Variants in MS4A10 observed in about 807,000 individuals in gnomAD.
MS4A10 encodes membrane spanning 4-domains A10.
MS4A10 carries 27 observed loss-of-function variants against 27.7 expected under a neutral mutation model. The ratio of observed to expected loss-of-function variants is 0.98; its 90% CI spans 0.72 to 1.35. The LOEUF is 1.35. Among genes scored for constraint, MS4A10 ranks in the 40% most tolerant of loss-of-function variants. MS4A10 has a pLI of 0.00. For synonymous variants in MS4A10, 139 were observed against 131.2 expected, an observed-to-expected ratio of 1.06 and a Z score of -0.41; for missense variants, 338 against 324.7, an observed-to-expected ratio of 1.04 and a Z score of -0.32.
intron 4 of MS4A10, among the ~76,000 whole-genome samples, chr11:60,793,503 G>A (rs1854465306): frequency 6.6e-6 from 1 of 152,224 alleles, no homozygotes; most frequent in Admixed American, 6.5e-5. Flanking sequence ...TGGCAGGTGG[G>A]CGGAGAAAAT....
intron 5 of MS4A10, 80 bp downstream of exon 5, chr11:60,794,183 C>A (rs955780878): frequency 6.4e-7 from 1 of 1,556,974 alleles, no homozygotes; most frequent in Non-Finnish European, 8.8e-7. Context: ...GTTTCCAGCT[C>A]ACAGAAAGCC....
chr11:60,800,847 G>T lies in MS4A10; in HGVS notation c.*938G>T, dbSNP rs1341077343. 7.0e-6 allele frequency: 1 copy of T among 142,022 alleles called. No homozygotes were observed. Among genetic ancestry groups the T allele is most frequent in the Non-Finnish European group, 1.5e-5 (1 of 66,290 alleles). The allele number at this position is 142,022 out of a possible 1,614,324, so 8.8% of individuals were successfully genotyped here. On this transcript the variant is annotated 3_prime_UTR_variant, in exon 8 of 8. Coordinates refer to ENST00000308287, the MANE Select transcript of MS4A10 (RefSeq NM_206893.4). ...CTCACTCTGTCACCCAGGCTGGAGTGCTGTGGTGCAATCTCGGCTCACTGC... is the reference window on the plus strand; with the variant it reads ...CTCACTCTGTCACCCAGGCTGGAGTTCTGTGGTGCAATCTCGGCTCACTGC...
Position 60,790,408 on chromosome 11 carries a change from G to T in MS4A10, c.73G>T (p.Val25Phe). The change falls in exon 2 of 8, where the codon GTC becomes TTC. Residue 25 changes from valine to phenylalanine, a missense_variant. Physicochemically the swap from Val to Phe is conservative, Grantham distance 50. Transcript: ENST00000308287. ...CCCATCATGGCAAGTCCTCAGCCCAGTCCAGCCCTGGCAGACAAGTGCACC... is the reference window on the plus strand; with the variant it reads ...CCCATCATGGCAAGTCCTCAGCCCATTCCAGCCCTGGCAGACAAGTGCACC... ...GLPSWQVLSP[V>F]QPWQTSAPQN... 6.2e-7 allele frequency: 1 copy of T among 1,614,190 alleles called. No homozygotes were observed. The highest frequency in any genetic ancestry group is 8.5e-7 in the Non-Finnish European group (1 of 1,180,040).
intron 4 of MS4A10, 97 bp from the exon 5 acceptor site, chr11:60,793,875 T>C: frequency 1.4e-6 from 2 of 1,397,370 alleles, no homozygotes; most frequent in Admixed American, 3.7e-5. Flanking sequence ...GAGTCTCTCC[T>C]GAGGCTACAG....
At chr11:60,789,300 A>C (rs1490270917) in intron 1 of MS4A10, among the ~76,000 whole-genome samples, 1 of 152,138 alleles carries the variant, frequency 6.6e-6, no homozygotes, top group African/African-American at 2.4e-5. Flanking sequence ...CTCTGACCTC[A>C]ATCCCTGCAA....
At chr11:60,790,105 C>T (rs1854403286) in intron 1 of MS4A10, among the ~76,000 whole-genome samples, 1 of 152,144 alleles carries the variant, frequency 6.6e-6, no homozygotes. Context: ...CTTTGCAACC[C>T]CAGAAAGGCT....
At chr11:60,795,516 C>A (rs866256072) in intron 5 of MS4A10, 39 bp from the exon 6 acceptor site, 7 of 1,389,088 alleles carry the variant, frequency 5.0e-6, no homozygotes, top group Middle Eastern at 4.2e-4. Context: ...AGACACCCAG[C>A]GAGGCCTCAC....
intron 6 of MS4A10, among the ~76,000 whole-genome samples, chr11:60,796,201 G>GATGGATGT (rs1854529538): frequency 6.6e-6 from 1 of 152,014 alleles, no homozygotes. Flanking sequence ...TCCATTGATG[G>GATGGATGT]ATGGATGGAT....
At chr11:60,795,477 C>A in intron 5 of MS4A10, 78 bp from the exon 6 acceptor site, 1 of 916,334 alleles carries the variant, frequency 1.1e-6, no homozygotes, top group Non-Finnish European at 1.5e-6. Context: ...GCAAGGACCC[C>A]TGCCTGGCTA....
At position 60,794,698 on chromosome 11, in the gene MS4A10, G is replaced by A. The variant is rs142739044; in HGVS notation, c.492+595G>A. Among the ~76,000 whole-genome samples, 535 of 152,074 alleles carry A rather than the reference G, an allele frequency of 3.5e-3. 5 individuals carry two copies. Among genetic ancestry groups the A allele is most frequent in the African/African-American group, 0.012 (517 of 41,494 alleles). ...TTTTTTTTGGAAGGGGCGGGGGAAC[G>A]GAGTCTCACTCTTGTCACCCAGGCT... On this transcript the variant is annotated intron_variant, in intron 5 of 7. Transcript: ENST00000308287.
intron 5 of MS4A10, among the ~76,000 whole-genome samples, chr11:60,794,537 C>T (rs766424488): frequency 2.6e-5 from 4 of 152,200 alleles, no homozygotes; most frequent in Non-Finnish European, 5.9e-5. Context: ...GGAGTGAACA[C>T]GGAGGTCCAG....
In MS4A10 at chr11:60,799,924, A is replaced by G; in HGVS notation, c.*15A>G. On this transcript the variant is annotated 3_prime_UTR_variant, in exon 8 of 8. Coordinates refer to ENST00000308287, the MANE Select transcript of MS4A10 (RefSeq NM_206893.4). The stretch of plus-strand genomic sequence containing the variant: ...CTGCAAACTGAAGAGCCACTGCCTG[A>G]CAATGCCCAAACTTGGTTGGAGCAT... 2.5e-6 allele frequency: 4 copies of G among 1,614,182 alleles called. No individual in the cohort carries two copies. The highest frequency in any genetic ancestry group is 3.4e-6 in the Non-Finnish European group (4 of 1,180,018).
chr11:60,795,652 G>A lies in MS4A10; in HGVS notation c.590G>A (p.Cys197Tyr). Residue 197 changes from cysteine to tyrosine, a missense_variant, in exon 6 of 8, where the codon TGC becomes TAC. Coordinates refer to ENST00000308287, the MANE Select transcript of MS4A10 (RefSeq NM_206893.4). Reference sequence around the variant, plus strand: ...GCTGTCACAGCCTGGAGAGGGGACTGCCCATCTGCAAAGGTAAGACAAGGG... The same window carrying A: ...GCTGTCACAGCCTGGAGAGGGGACTACCCATCTGCAAAGGTAAGACAAGGG... Reference protein sequence around the residue: ...PTAVTAWRGDCPSAKNDDACL... With the variant: ...PTAVTAWRGDYPSAKNDDACL... 6.3e-7 allele frequency: 1 copy of A among 1,580,574 alleles called. No homozygotes were observed. Among genetic ancestry groups the A allele is most frequent in the Non-Finnish European group, 8.6e-7 (1 of 1,163,600 alleles).
At chr11:60,788,557 A>G (rs1184676218) in intron 1 of MS4A10, among the ~76,000 whole-genome samples, 4 of 152,228 alleles carry the variant, frequency 2.6e-5, no homozygotes, top group Admixed American at 2.6e-4. Context: ...TAGTCCAGCT[A>G]GCTGTGTCAG....
intron 1 of MS4A10, among the ~76,000 whole-genome samples, chr11:60,787,214 G>C (rs1854354984): frequency 6.6e-6 from 1 of 152,152 alleles, no homozygotes; most frequent in Admixed American, 6.5e-5. Flanking sequence ...TGGCTGAGGG[G>C]GCTGGGGTTG....
Position 60,800,150 on chromosome 11 carries a change from T to C in MS4A10, c.*241T>C. 1 of 551,108 alleles carries C rather than the reference T, an allele frequency of 1.8e-6. No individual in the cohort carries two copies. The highest frequency in any genetic ancestry group is 3.2e-5 in the Admixed American group (1 of 30,832). The allele number at this position is 551,108 out of a possible 1,614,324, so 34.1% of individuals were successfully genotyped here. On this transcript the variant is annotated 3_prime_UTR_variant, in exon 8 of 8. Coordinates refer to ENST00000308287, the MANE Select transcript of MS4A10 (RefSeq NM_206893.4). ...TGTTTTGTTTTGTTTCGCTTTGTTT[T>C]GTTTTCTTTTGTTTTGTTGAGATGG...
chr11:60,793,704 G>C (rs1009062620), intron 4 of MS4A10, among the ~76,000 whole-genome samples: 6 of 152,220 alleles, frequency 3.9e-5, no homozygotes, highest in African/African-American at 1.2e-4. Flanking sequence ...AAAGCTCTTG[G>C]ATCTGAAGGC....
In MS4A10 at chr11:60,792,340, A is replaced by T; in HGVS notation, c.360+19A>T. On this transcript the variant is annotated intron_variant, in intron 4 of 7. Coordinates refer to ENST00000308287, the MANE Select transcript of MS4A10 (RefSeq NM_206893.4). Reference sequence around the variant, plus strand: ...TTACCTGGTGAGTGGGCACACTGAGATCATTCTCTTCCATCTGAGCATGGC... The same window carrying T: ...TTACCTGGTGAGTGGGCACACTGAGTTCATTCTCTTCCATCTGAGCATGGC... 1 of 1,551,208 alleles carries T rather than the reference A, an allele frequency of 6.4e-7. No individual in the cohort carries two copies. The highest frequency in any genetic ancestry group is 8.9e-7 in the Non-Finnish European group (1 of 1,122,600).
intron 5 of MS4A10, among the ~76,000 whole-genome samples, chr11:60,795,030 C>T (rs900920937): frequency 6.6e-6 from 1 of 152,206 alleles, no homozygotes; most frequent in Non-Finnish European, 1.5e-5. Flanking sequence ...CCTCCCAGCA[C>T]ATACACACAC....
Sources: allele counts gnomAD v4.1 joint callset (sites outside exome capture counted in the v4.1 genomes callset), GRCh38; gene constraint gnomAD v4.1.1; transcripts MANE v1.5; gene names NCBI Gene and HGNC (gene_info 2026-07-23, HGNC 2026-07-21).